BUD13: variants seen among roughly 807,000 people sequenced by gnomAD.
BUD13 encodes the protein BUD13 homolog.
BUD13 carries 47 observed loss-of-function variants against 62.5 expected under a neutral mutation model. That is an observed-to-expected ratio of 0.75 (90% CI 0.60 to 0.96). The LOEUF is 0.96. Among genes scored for constraint, BUD13 ranks in the 40% least tolerant of loss-of-function variants. BUD13 has a pLI of 0.00. For missense variants in BUD13, 821 were observed against 790.9 expected, an observed-to-expected ratio of 1.04 and a Z score of -0.46; for synonymous variants, 293 against 280.1, an observed-to-expected ratio of 1.05 and a Z score of -0.46.
At chr11:116,763,380 A>T in intron 3 of BUD13, 114 bp from the exon 4 acceptor site, 1 of 941,706 alleles carries the variant, frequency 1.1e-6, no homozygotes, top group East Asian at 2.7e-5. Flanking sequence ...CTGCTCAGAA[A>T]GCCCAAAAGG....
At position 116,762,606 on chromosome 11, in the gene BUD13, C is replaced by T. The variant is rs139099960; in HGVS notation, c.983G>A (p.Arg328Gln). ...YEYDPDISPP[R>Q]KKQAKSHFGD... The stretch of plus-strand genomic sequence containing the variant: ...AAAATGGGATTTTGCTTGCTTTTTT[C>T]GTGGAGGAGAGATGTCAGGGTCATA... Residue 328 changes from arginine (R) to glutamine (Q), a missense_variant, in exon 4 of 10, where the codon CGA (arginine) becomes CAA (glutamine). Arg to Gln is a conservative substitution (Grantham distance 43). Coordinates refer to ENST00000260210, the MANE Select transcript of BUD13 (RefSeq NM_032725.4). 267 of 1,610,280 alleles carry T rather than the reference C, an allele frequency of 1.7e-4. No individual in the cohort carries two copies. The highest frequency in any genetic ancestry group is 8.2e-4 in the East Asian group (37 of 44,862).
chr11:116,749,080 C>T (rs1940190472), intron 9 of BUD13, among the ~76,000 whole-genome samples: 1 of 152,082 alleles, frequency 6.6e-6, no homozygotes, highest in Admixed American at 6.6e-5. Flanking sequence ...TATCATTCAT[C>T]CTTTTCTTAG....
rs1940656037 is a variant in BUD13, at chr11:116,772,833, G to A, written c.132C>T (p.Ala44=). ...RRKKRPKPGG[A]GGKGMRIVDD... ...CGGTACCAACTCACCCCTTGCCGCC[G>A]GCCCCGCCAGGCTTCGGCCGCTTTT... is the stretch of plus-strand genomic sequence containing the variant. Residue 44 remains alanine (A), a synonymous_variant, in exon 1 of 10, where the codon GCC becomes GCT. Transcript: ENST00000260210. 2 of 1,577,546 alleles carry A rather than the reference G, an allele frequency of 1.3e-6. No individual in the cohort carries two copies. Among genetic ancestry groups the A allele is most frequent in the Non-Finnish European group, 1.7e-6 (2 of 1,165,332 alleles).
intron 1 of BUD13, among the ~76,000 whole-genome samples, chr11:116,772,194 G>T (rs1166191408): frequency 1.3e-5 from 2 of 152,138 alleles, no homozygotes; most frequent in African/African-American, 4.8e-5. Flanking sequence ...CACATTCTGT[G>T]GTTCTGGGTG....
At position 116,766,285 on chromosome 11, in the gene BUD13, C is replaced by T. The variant is rs903075235; in HGVS notation, c.238-839G>A. 3.3e-5 allele frequency among the ~76,000 whole-genome samples: 5 copies of T among 152,274 alleles called. No individual in the cohort carries two copies. In the East Asian group the frequency reaches 7.7e-4, roughly 24 times the overall value. ...TGTGGTTTACTCATATAATCTAACT[C>T]GATTCTCACAATAATCCTGTAAAGA... On this transcript the variant is annotated intron_variant, in intron 2 of 9. Coordinates refer to ENST00000260210, the MANE Select transcript of BUD13 (RefSeq NM_032725.4).
Position 116,760,825 on chromosome 11 carries a change from A to C in BUD13, c.1164T>G (p.Ser388=). Residue 388 remains serine, a synonymous_variant, in exon 5 of 10, where the codon TCT becomes TCG. Coordinates refer to ENST00000260210, the MANE Select transcript of BUD13 (RefSeq NM_032725.4). ...GTCTCCTCCTTGGTGGAGAGAGGTC[A>C]GAATCAGAGCTCCGGTGTCTAGGTC... ...RNRPRHRSSD[S]DLSPPRRRQR... 1 of 1,614,210 alleles carries C rather than the reference A, an allele frequency of 6.2e-7. No homozygotes were observed. The highest frequency in any genetic ancestry group is 1.6e-4 in the Middle Eastern group (1 of 6,062).
chr11:116,767,662 G>A (rs894671946), intron 2 of BUD13, among the ~76,000 whole-genome samples: 2 of 149,950 alleles, frequency 1.3e-5, no homozygotes, highest in African/African-American at 2.5e-5. Flanking sequence ...GTTTGCTATT[G>A]GTTTTGTTTT....
At chr11:116,765,578 A>C (rs1940518447) in intron 2 of BUD13, 132 bp from the exon 3 acceptor site, 3 of 820,330 alleles carry the variant, frequency 3.7e-6, no homozygotes. Flanking sequence ...ATGGTCATGA[A>C]GAAGTAAGTA....
intron 9 of BUD13, among the ~76,000 whole-genome samples, chr11:116,752,237 C>T (rs1270482778): frequency 6.6e-6 from 1 of 152,172 alleles, no homozygotes; most frequent in Non-Finnish European, 1.5e-5. Flanking sequence ...TGAGCCACCG[C>T]ACCCGGCCCC....
Position 116,759,157 on chromosome 11 carries a change from G to A in BUD13, c.1277C>T (p.Ala426Val). The A allele has an allele frequency of 6.2e-7, 1 of 1,613,940 alleles. No homozygotes were observed. The highest frequency in any genetic ancestry group is 8.5e-7 in the Non-Finnish European group (1 of 1,179,946). ...GTCAGTTAACACCAACCCAGTTTTAGCCCCAGAATACATGTGTGCAGCCTA... is the reference window on the plus strand; with the variant it reads ...GTCAGTTAACACCAACCCAGTTTTAACCCCAGAATACATGTGTGCAGCCTA... ...GKKAAHMYSG[A>V]KTGLVLTDIQ... Residue 426 changes from alanine (A) to valine (V), a missense_variant, in exon 6 of 10, where the codon GCT becomes GTT. Around this residue, in one of 2 missense-constraint regions of BUD13, gnomAD observed 800 missense variants for 739.2 expected, o/e 1.08. Transcript: ENST00000260210.
chr11:116,766,649 G>A (rs890619076), intron 2 of BUD13, among the ~76,000 whole-genome samples: 10 of 152,182 alleles, frequency 6.6e-5, no homozygotes, highest in African/African-American at 2.2e-4. Flanking sequence ...GATAATTCAC[G>A]TAAGCTTAGC....
intron 3 of BUD13, among the ~76,000 whole-genome samples, chr11:116,764,269 G>T (rs1354963174): frequency 6.6e-6 from 1 of 152,114 alleles, no homozygotes; most frequent in Non-Finnish European, 1.5e-5. Context: ...ATAAAAGCTG[G>T]GTAGGAACTG....
rs527676432 is a variant in BUD13 at position 116,763,119 on chromosome 11, T to C, written c.470A>G (p.His157Arg). The C allele has an allele frequency of 8.7e-6, 14 of 1,605,604 alleles. No homozygotes were observed. In the African/African-American group the frequency reaches 1.7e-4, roughly 20 times the overall value. ...TPDPSPRRAR[H>R]DTPDPSPLRG... Reference sequence around the variant, plus strand: ...GAGGGGAGAAGGATCCGGGGTGTCATGACGGGCCCTCCTAGGAGATGGATC... The same window carrying C: ...GAGGGGAGAAGGATCCGGGGTGTCACGACGGGCCCTCCTAGGAGATGGATC... The change falls in exon 4 of 10, where the codon CAT becomes CGT. Residue 157 changes from histidine to arginine, a missense_variant. By Grantham distance (29) the His-to-Arg change is conservative (BLOSUM62 0). Coordinates refer to ENST00000260210, the MANE Select transcript of BUD13 (RefSeq NM_032725.4).
intron 9 of BUD13, among the ~76,000 whole-genome samples, chr11:116,755,681 GT>G (rs1162897659): frequency 6.6e-6 from 1 of 152,144 alleles, no homozygotes; most frequent in Non-Finnish European, 1.5e-5. Flanking sequence ...CTATTATTAA[GT>G]CAGACATTAA....
Position 116,765,463 on chromosome 11 carries a change from T to C in BUD13, c.238-17A>G, listed in dbSNP as rs369262118. 1.4e-5 allele frequency: 23 copies of C among 1,613,832 alleles called. No individual in the cohort carries two copies. Among genetic ancestry groups the C allele is most frequent in the Non-Finnish European group, 1.9e-5 (23 of 1,179,898 alleles). ...CTCTGCCACCTGTGAGAGTAAAGAT[T>C]TCCTATCTTAGGAAATCCACAGGAT... On this transcript the variant is annotated splice_polypyrimidine_tract_variant and intron_variant, in intron 2 of 9. Coordinates refer to ENST00000260210, the MANE Select transcript of BUD13 (RefSeq NM_032725.4).
intron 4 of BUD13, among the ~76,000 whole-genome samples, chr11:116,762,342 A>G (rs935386112): frequency 4.6e-5 from 7 of 152,226 alleles, no homozygotes; most frequent in Admixed American, 3.3e-4. Context: ...AATAAATTGT[A>G]CTTTTATATG....
rs1349894369 is a variant in BUD13 at position 116,762,996 on chromosome 11, G to A, written c.593C>T (p.Pro198Leu). 2 of 1,614,010 alleles carry A rather than the reference G, an allele frequency of 1.2e-6. No homozygotes were observed. The highest frequency in any genetic ancestry group is 1.7e-5 in the Admixed American group (1 of 60,024). Residue 198 changes from proline (P) to leucine (L), a missense_variant, in exon 4 of 10, where the codon CCA becomes CTA. Pro to Leu is a moderately conservative substitution (Grantham distance 98). Transcript: ENST00000260210. ...SPPRRARHDSPDPSPPRRPQH... is the reference protein window; with the variant it reads ...SPPRRARHDSLDPSPPRRPQH... ...AGGCCTCCTTGGGGGAGAAGGATCT[G>A]GAGAATCATGACGGGCCCTCCTTGG...
chr11:116,766,828 G>A (rs1940537618), intron 2 of BUD13, among the ~76,000 whole-genome samples: 1 of 152,206 alleles, frequency 6.6e-6, no homozygotes, highest in South Asian at 2.1e-4. Context: ...AACCAATGCA[G>A]AGAGCAGTGG....
chr11:116,765,091 T>C (rs1475027310), intron 3 of BUD13, among the ~76,000 whole-genome samples: 3 of 152,118 alleles, frequency 2.0e-5, no homozygotes, highest in Admixed American at 2.0e-4. Flanking sequence ...CTATTCTGAG[T>C]CAAAGAGGAA....
Sources: gnomAD v4.1 joint callset for allele counts (sites outside exome capture counted in the v4.1 genomes callset) on GRCh38, gnomAD v4.1.1 for gene constraint, gnomAD v4.1.1 regional missense constraint, MANE v1.5 for transcripts, NCBI Gene and HGNC (gene_info 2026-07-23, HGNC 2026-07-21) for gene names.